ST6GALNAC3: variants seen among roughly 807,000 people sequenced by gnomAD.
ST6GALNAC3 encodes alpha-N-acetylgalactosaminide alpha-2,6-sialyltransferase 3.
Under a neutral mutation model 32.7 loss-of-function variants are expected in ST6GALNAC3, and 25 were observed. The observed-to-expected ratio is 0.76, with a 90% CI of 0.56 to 1.07. ST6GALNAC3 has a LOEUF of 1.07. ST6GALNAC3 is among the 50% of genes least tolerant of loss of function. The pLI, the probability that ST6GALNAC3 is intolerant of heterozygous loss-of-function variation, is 0.00. For missense variants in ST6GALNAC3, 355 were observed against 382.4 expected (o/e 0.93, Z 0.60); for synonymous variants, 129 against 133.1 (o/e 0.97, Z 0.21).
At chr1:76,420,994 C>G (rs1337830640) in intron 3 of ST6GALNAC3, among the ~76,000 whole-genome samples, 1 of 151,966 alleles carries the variant, frequency 6.6e-6, no homozygotes, top group South Asian at 2.1e-4. Flanking sequence ...GGTCCATAAA[C>G]TATTTGAGGG....
At chr1:76,207,372 GGCTTTAGT>G (rs1362640955) in intron 1 of ST6GALNAC3, among the ~76,000 whole-genome samples, 2 of 152,160 alleles carry the variant, frequency 1.3e-5, no homozygotes, top group African/African-American at 4.8e-5. Flanking sequence ...TGCCTATATA[GGCTTTAGT>G]GCCATTTGTG....
At chr1:76,491,582 G>C (rs1660503010) in intron 3 of ST6GALNAC3, among the ~76,000 whole-genome samples, 1 of 152,108 alleles carries the variant, frequency 6.6e-6, no homozygotes, top group Non-Finnish European at 1.5e-5. Context: ...TTGTAGGCCT[G>C]TGTTTAATCT....
intron 2 of ST6GALNAC3, among the ~76,000 whole-genome samples, chr1:76,341,081 G>T (rs957931350): frequency 6.6e-6 from 1 of 151,490 alleles, no homozygotes; most frequent in African/African-American, 2.4e-5. Context: ...AATGGTACAG[G>T]TAGAGGTTTA....
At chr1:76,389,328 G>T (rs1469124375) in intron 2 of ST6GALNAC3, among the ~76,000 whole-genome samples, 1 of 152,090 alleles carries the variant, frequency 6.6e-6, no homozygotes, top group Non-Finnish European at 1.5e-5. Context: ...AAGTGTGGAG[G>T]CTGACCATGA....
At chr1:76,454,048 T>G (rs1182131301) in intron 3 of ST6GALNAC3, among the ~76,000 whole-genome samples, 1 of 152,208 alleles carries the variant, frequency 6.6e-6, no homozygotes, top group East Asian at 1.9e-4. Context: ...CTGTGTATTT[T>G]TTAACTGCTG....
At chr1:76,268,057 G>A (rs552187417) in intron 1 of ST6GALNAC3, among the ~76,000 whole-genome samples, 47 of 152,280 alleles carry the variant, frequency 3.1e-4, no homozygotes, top group African/African-American at 1.1e-3. Context: ...ATGTAGGGAA[G>A]AAAATTGTAG....
chr1:76,275,799 G>A (rs1659100729), intron 1 of ST6GALNAC3, among the ~76,000 whole-genome samples: 1 of 151,998 alleles, frequency 6.6e-6, no homozygotes, highest in South Asian at 2.1e-4. Flanking sequence ...GTATATACTT[G>A]TATTGTCTTG....
chr1:76,330,444 G>A (rs1014383413), intron 2 of ST6GALNAC3, among the ~76,000 whole-genome samples: 1 of 152,178 alleles, frequency 6.6e-6, no homozygotes, highest in African/African-American at 2.4e-5. Flanking sequence ...GCGTGAGCCC[G>A]TGCCAGGCCA....
At chr1:76,231,180 C>A (rs529296026) in intron 1 of ST6GALNAC3, among the ~76,000 whole-genome samples, 16 of 152,286 alleles carry the variant, frequency 1.1e-4, no homozygotes, top group African/African-American at 3.9e-4. Context: ...ACTAGCACAA[C>A]CCCTTGATAT....
chr1:76,562,646 A>G (rs749016888), intron 3 of ST6GALNAC3, among the ~76,000 whole-genome samples: 2 of 152,276 alleles, frequency 1.3e-5, no homozygotes, highest in Middle Eastern at 3.4e-3. Context: ...TATTTTTACT[A>G]TTTGAGGCAA....
At chr1:76,257,670 T>C (rs1304947377) in intron 1 of ST6GALNAC3, among the ~76,000 whole-genome samples, 1 of 152,100 alleles carries the variant, frequency 6.6e-6, no homozygotes, top group Non-Finnish European at 1.5e-5. Flanking sequence ...GTTCTTCTGC[T>C]CTGCCGCCAT....
At chr1:76,396,506 C>T (rs1225797555) in intron 2 of ST6GALNAC3, among the ~76,000 whole-genome samples, 1 of 152,000 alleles carries the variant, frequency 6.6e-6, no homozygotes, top group Non-Finnish European at 1.5e-5. Flanking sequence ...CTTCTTATTC[C>T]TTGTTTCTTC....
intron 1 of ST6GALNAC3, among the ~76,000 whole-genome samples, chr1:76,164,013 T>A (rs976091083): frequency 2.0e-5 from 3 of 152,156 alleles, no homozygotes; most frequent in African/African-American, 7.2e-5. Flanking sequence ...AGATGTTGGA[T>A]TTGTTGAGGA....
chr1:76,168,569 T>TA (rs1652274292), intron 1 of ST6GALNAC3, among the ~76,000 whole-genome samples: 1 of 152,210 alleles, frequency 6.6e-6, no homozygotes, highest in South Asian at 2.1e-4. Flanking sequence ...CATTGGGTGT[T>TA]AAAGTCTCCC....
intron 3 of ST6GALNAC3, among the ~76,000 whole-genome samples, chr1:76,549,345 T>A (rs570930180): frequency 6.6e-6 from 1 of 152,198 alleles, no homozygotes. Context: ...AGTTTACCAG[T>A]CTAGTATGCA....
chr1:76,176,947 AGCCT>A (rs1652893954), intron 1 of ST6GALNAC3, among the ~76,000 whole-genome samples: 1 of 152,168 alleles, frequency 6.6e-6, no homozygotes, highest in South Asian at 2.1e-4. Context: ...CAGTGGCTTG[AGCCT>A]GAAATCCCAG....
intron 3 of ST6GALNAC3, among the ~76,000 whole-genome samples, chr1:76,565,934 A>AT (rs1665529523): frequency 6.6e-6 from 1 of 152,182 alleles, no homozygotes; most frequent in South Asian, 2.1e-4. Context: ...CTTTGTTCAG[A>AT]TTTTTTATTG....
At chr1:76,556,488 A>G (rs1664932164) in intron 3 of ST6GALNAC3, among the ~76,000 whole-genome samples, 1 of 152,042 alleles carries the variant, frequency 6.6e-6, no homozygotes, top group South Asian at 2.1e-4. Flanking sequence ...GTACCAGTTT[A>G]CATTTCTACC....
Position 76,310,145 on chromosome 1 carries a change from C to A in ST6GALNAC3, c.19-3660C>A, listed in dbSNP as rs558857147. On this transcript the variant is annotated intron_variant, in intron 1 of 4. Coordinates refer to ENST00000328299, the MANE Select transcript of ST6GALNAC3 (RefSeq NM_152996.4). ...AATCCCATCTGGGTCTCCTTCAAAG[C>A]AAGCTGCTATTTTGCAACAAGCTAC... Among the ~76,000 whole-genome samples, 5 of 152,212 alleles carry A rather than the reference C, an allele frequency of 3.3e-5. No individual in the cohort carries two copies. In the East Asian group the frequency reaches 9.7e-4, roughly 29 times the overall value.
Sources: allele counts gnomAD v4.1 joint callset (sites outside exome capture counted in the v4.1 genomes callset), GRCh38; gene constraint gnomAD v4.1.1; transcripts MANE v1.5; gene names NCBI Gene and HGNC (gene_info 2026-07-23, HGNC 2026-07-21).